Variants in EDN1 observed in about 807,000 individuals in gnomAD.
The protein encoded by EDN1 is endothelin-1.
EDN1 carries 11 observed loss-of-function variants against 21.7 expected under a neutral mutation model. The observed-to-expected ratio is 0.51, with a 90% CI of 0.32 to 0.84. The LOEUF (loss-of-function observed/expected upper bound fraction) is 0.84. EDN1 is among the 40% of genes least tolerant of loss of function. EDN1 has a pLI of 0.03. For missense variants in EDN1, 244 were observed against 262.3 expected (o/e 0.93, Z 0.48); for synonymous variants, 85 against 90.6 (o/e 0.94, Z 0.35).
chr6:12,278,434 A>G, the EDN1 span, among the ~76,000 whole-genome samples: 5 of 152,154 alleles, frequency 3.3e-5, no homozygotes, highest in African/African-American at 1.2e-4. Flanking sequence ...CTGTCCTCAC[A>G]ATAACACTGC....
chr6:12,267,176 T>A, the EDN1 span, among the ~76,000 whole-genome samples: 1 of 152,224 alleles, frequency 6.6e-6, no homozygotes, highest in Non-Finnish European at 1.5e-5. Context: ...TGGCACCATT[T>A]TTCCAACAGA....
upstream of EDN1, among the ~76,000 whole-genome samples, chr6:12,285,604 T>C (rs556162175): frequency 1.3e-5 from 2 of 152,302 alleles, no homozygotes; most frequent in East Asian, 3.9e-4. Flanking sequence ...GGAGTTTCAC[T>C]CTTGTTGCCC....
At chr6:12,254,617 G>A in the EDN1 span, among the ~76,000 whole-genome samples, 1,304 of 152,182 alleles carry the variant, frequency 8.6e-3, 5 homozygotes, top group Non-Finnish European at 0.013. Context: ...TAAGAATTTG[G>A]AAAAGAGAAA....
chr6:12,293,145 G>C (rs1464898811), intron 2 of EDN1, among the ~76,000 whole-genome samples: 1 of 152,118 alleles, frequency 6.6e-6, no homozygotes, highest in Non-Finnish European at 1.5e-5. Context: ...CTTCTGCCCT[G>C]GACACTAGTT....
chr6:12,281,968 G>A, the EDN1 span, among the ~76,000 whole-genome samples: 1 of 152,018 alleles, frequency 6.6e-6, no homozygotes, highest in African/African-American at 2.4e-5. Flanking sequence ...AAAATGAAAA[G>A]CATAATTAGA....
chr6:12,232,205 TATA>T, the EDN1 span, among the ~76,000 whole-genome samples: 2 of 144,294 alleles, frequency 1.4e-5, no homozygotes, highest in South Asian at 2.4e-4. Flanking sequence ...TATAATATAA[TATA>T]ATAAAGTATA....
chr6:12,274,183 C>A, the EDN1 span, among the ~76,000 whole-genome samples: 1 of 152,246 alleles, frequency 6.6e-6, no homozygotes, highest in African/African-American at 2.4e-5. Flanking sequence ...TTTACTAGGC[C>A]AGCTAAAACT....
chr6:12,249,363 A>C, the EDN1 span, among the ~76,000 whole-genome samples: 1 of 152,088 alleles, frequency 6.6e-6, no homozygotes, highest in East Asian at 1.9e-4. Context: ...GAACTACATT[A>C]TATGGATTGT....
At chr6:12,247,536 C>CTTTTTTTTTTTTTTTTTTTTT in the EDN1 span, among the ~76,000 whole-genome samples, 21 of 97,746 alleles carry the variant, frequency 2.1e-4, no homozygotes, top group Non-Finnish European at 4.0e-4. Flanking sequence ...TTCTTTCTTT[C>CTTTTTTTTTTTTTTTTTTTTT]TTTTTTTTTT....
chr6:12,287,754 AGGCGCGCGCGCGCGCGCG>A (rs1270005780), upstream of EDN1, among the ~76,000 whole-genome samples: 18 of 41,370 alleles, frequency 4.4e-4, no homozygotes, highest in East Asian at 1.3e-3. Context: ...ACACACACAC[AGGCGCGCGCGCGCGCGCG>A]CAGGCACACG....
the EDN1 span, among the ~76,000 whole-genome samples, chr6:12,282,763 A>C: frequency 6.6e-6 from 1 of 152,198 alleles, no homozygotes; most frequent in Non-Finnish European, 1.5e-5. Context: ...ATAAACCAAC[A>C]TAATAAAGTC....
At chr6:12,289,587 G>A (rs936740887), upstream of EDN1, among the ~76,000 whole-genome samples, 3 of 152,118 alleles carry the variant, frequency 2.0e-5, no homozygotes, top group African/African-American at 7.2e-5. Flanking sequence ...TAAGTTCTGT[G>A]TGAAAAACAC....
the EDN1 span, among the ~76,000 whole-genome samples, chr6:12,252,579 C>T: frequency 1.3e-5 from 2 of 152,162 alleles, no homozygotes; most frequent in Non-Finnish European, 2.9e-5. Flanking sequence ...TGCATGTTCA[C>T]GTTGGCTCTC....
At chr6:12,274,388 T>C in the EDN1 span, among the ~76,000 whole-genome samples, 2 of 152,218 alleles carry the variant, frequency 1.3e-5, no homozygotes, top group African/African-American at 4.8e-5. Flanking sequence ...AGCCCTGTGA[T>C]GCCATCAAAA....
the EDN1 span, among the ~76,000 whole-genome samples, chr6:12,274,450 C>A: frequency 6.6e-6 from 1 of 152,162 alleles, no homozygotes; most frequent in African/African-American, 2.4e-5. Context: ...ATAGCACATA[C>A]CTCCCTGATG....
chr6:12,251,879 C>G, the EDN1 span, among the ~76,000 whole-genome samples: 1 of 152,324 alleles, frequency 6.6e-6, no homozygotes, highest in East Asian at 1.9e-4. Context: ...AGAATCCACC[C>G]TCTTAAACCT....
the EDN1 span, among the ~76,000 whole-genome samples, chr6:12,268,801 C>G: frequency 1.3e-5 from 2 of 152,110 alleles, no homozygotes; most frequent in African/African-American, 4.8e-5. Context: ...TATTTGGAGC[C>G]TTTTCTGGTT....
chr6:12,254,374 C>T, the EDN1 span, among the ~76,000 whole-genome samples: 3 of 152,146 alleles, frequency 2.0e-5, no homozygotes, highest in Non-Finnish European at 2.9e-5. Context: ...CCTCACTCTC[C>T]ACTCTGCCAA....
the EDN1 span, among the ~76,000 whole-genome samples, chr6:12,249,342 C>A: frequency 1.3e-5 from 2 of 152,180 alleles, no homozygotes; most frequent in African/African-American, 4.8e-5. Context: ...TTCAAAATCT[C>A]ATGCTTTGAA....
Sources: allele counts gnomAD v4.1 joint callset (sites outside exome capture counted in the v4.1 genomes callset), GRCh38; gene constraint gnomAD v4.1.1; transcripts MANE v1.5; gene names NCBI Gene and HGNC (gene_info 2026-07-23, HGNC 2026-07-21).